SRRM1: variants seen among roughly 807,000 people sequenced by gnomAD.
The protein encoded by SRRM1 is serine/arginine repetitive matrix protein 1.
Under a neutral mutation model 110.2 loss-of-function variants are expected in SRRM1, and 19 were observed. That is an observed-to-expected ratio of 0.17 (90% CI 0.12 to 0.25). SRRM1 has a LOEUF of 0.25. Among genes scored for constraint, SRRM1 ranks in the 10% least tolerant of loss-of-function variants. The probability of loss-of-function intolerance (pLI) is 1.00; values close to 1 mark genes in which losing one functional copy is unlikely to be tolerated. For missense variants in SRRM1, 918 were observed against 1,145.8 expected (o/e 0.80, Z 2.87); for synonymous variants, 443 against 414.9 (o/e 1.07, Z -0.82).
intron 13 of SRRM1, among the ~76,000 whole-genome samples, chr1:24,667,965 CT>C (rs1038405035): frequency 0.012 from 816 of 68,454 alleles, no homozygotes; most frequent in Non-Finnish European, 0.016. Flanking sequence ...TGCTGCCACT[CT>C]TTTTTTTTTT....
chr1:24,666,711 G>A (rs1670165402), intron 12 of SRRM1, 104 bp from the exon 13 acceptor site: 1 of 859,540 alleles, frequency 1.2e-6, no homozygotes. Flanking sequence ...GTTGCAGTGA[G>A]CCAAGATCAT....
At position 24,669,536 on chromosome 1, in the gene SRRM1, C is replaced by T. The variant is rs1409086581; in HGVS notation, c.2153C>T (p.Thr718Ile). The T allele has an allele frequency of 2.5e-6, 4 of 1,606,504 alleles. No individual in the cohort carries two copies. The African/African-American group carries it at 4.0e-5, about 16-fold the overall frequency. ...AGAAGGCAGTCCCCGTCTCCAAGTA[C>T]TAGGCCCATTAGGAGAGTCTCCAGG... ...PQRRQSPSPS[T>I]RPIRRVSRTP... The change falls in exon 14 of 17, where the codon ACT (threonine) becomes ATT (isoleucine). Residue 718 changes from threonine to isoleucine, a missense_variant. By Grantham distance (89) the Thr-to-Ile change is moderately conservative. Transcript: ENST00000323848.
In SRRM1 at chr1:24,655,128, AG is replaced by A. The variant is rs776478355; in HGVS notation, c.1315+1del. ...TGTCTCCAGGGAGAACTTCAGGTAA[AG>A]GTAAAAATCAAACACATATGAAACA... The part of the protein sequence containing the change: ...SVSPGRTSGK[V>X]TKHKGTEKRE... On this transcript the variant is annotated frameshift_variant and splice_region_variant, in exon 9 of 17. Coordinates refer to ENST00000323848, the MANE Select transcript of SRRM1 (RefSeq NM_005839.4). LOFTEE classifies it high-confidence loss of function. 9.3e-6 allele frequency: 15 copies of A among 1,613,574 alleles called. No individual in the cohort carries two copies.
At chr1:24,656,671 A>G (rs1222905980) in intron 9 of SRRM1, among the ~76,000 whole-genome samples, 2 of 152,186 alleles carry the variant, frequency 1.3e-5, no homozygotes, top group Non-Finnish European at 2.9e-5. Context: ...AAAGCTCTCC[A>G]GGGAAAAAAA....
chr1:24,661,901 T>C (rs910575647), intron 11 of SRRM1, among the ~76,000 whole-genome samples: 27 of 151,870 alleles, frequency 1.8e-4, no homozygotes, highest in African/African-American at 5.8e-4. Context: ...TCCTGGCCAA[T>C]AGGGCGAAAC....
intron 12 of SRRM1, among the ~76,000 whole-genome samples, chr1:24,664,327 G>T (rs1557724595): frequency 1.3e-5 from 2 of 152,150 alleles, no homozygotes; most frequent in Non-Finnish European, 2.9e-5. Flanking sequence ...TTGATTATTA[G>T]TGTCACTGTG....
Position 24,669,441 on chromosome 1 carries a change from A to G in SRRM1, c.2058A>G (p.Pro686=), listed in dbSNP as rs1345029533. ...CAAACAAACGGCATTCGCCCTCACC[A>G]CGGCCTCGAGCTCCTCAGACCTCCT... The part of the protein sequence containing the change: ...PQPNKRHSPS[P]RPRAPQTSSS... Residue 686 remains proline (P), a synonymous_variant, in exon 14 of 17, where the codon CCA becomes CCG. Coordinates refer to ENST00000323848, the MANE Select transcript of SRRM1 (RefSeq NM_005839.4). 1 of 1,614,120 alleles carries G rather than the reference A, an allele frequency of 6.2e-7. No individual in the cohort carries two copies. The highest frequency in any genetic ancestry group is 1.7e-5 in the Admixed American group (1 of 60,018).
At chr1:24,662,061 G>C (rs1667532248) in intron 11 of SRRM1, among the ~76,000 whole-genome samples, 1 of 152,184 alleles carries the variant, frequency 6.6e-6, no homozygotes, top group South Asian at 2.1e-4. Context: ...CTGCACTCCA[G>C]CCTGGGAGCC....
chr1:24,671,519 T>C lies in SRRM1; in HGVS notation c.2534T>C (p.Val845Ala). Reference sequence around the variant, plus strand: ...GTGGCTGCAGCTGCTGCAGCTGCTGTGACCCCTGCAGCCATTGCAGCTGCC... The same window carrying C: ...GTGGCTGCAGCTGCTGCAGCTGCTGCGACCCCTGCAGCCATTGCAGCTGCC... ...KAVAAAAAAA[V>A]TPAAIAAATT... The change falls in exon 16 of 17, where the codon GTG becomes GCG. Residue 845 changes from valine (V) to alanine (A), a missense_variant. Physicochemically the swap from Val to Ala is moderately conservative, Grantham distance 64. This residue lies in a region of SRRM1 where 62 missense variants were observed against 127.6 expected (regional missense o/e 0.49). Coordinates refer to ENST00000323848, the MANE Select transcript of SRRM1 (RefSeq NM_005839.4). The C allele has an allele frequency of 6.2e-7, 1 of 1,612,088 alleles. No homozygotes were observed. Among genetic ancestry groups the C allele is most frequent in the South Asian group, 1.1e-5 (1 of 90,766 alleles).
At chr1:24,654,055 A>G (rs905742133) in intron 8 of SRRM1, among the ~76,000 whole-genome samples, 3 of 152,214 alleles carry the variant, frequency 2.0e-5, no homozygotes, top group African/African-American at 4.8e-5. Flanking sequence ...CATAGAGGAA[A>G]TTAGTGAGGT....
intron 13 of SRRM1, 33 bp from the exon 14 acceptor site, chr1:24,669,090 G>A: frequency 6.4e-7 from 1 of 1,574,212 alleles, no homozygotes; most frequent in Admixed American, 1.8e-5. Flanking sequence ...ATTTTGTTGA[G>A]CCTTTCAGCT....
chr1:24,667,658 G>C (rs1241082637), intron 13 of SRRM1, among the ~76,000 whole-genome samples: 1 of 152,162 alleles, frequency 6.6e-6, no homozygotes, highest in Non-Finnish European at 1.5e-5. Context: ...AGATTGGCAA[G>C]AACTAAAGAG....
chr1:24,663,522 CAGT>C (rs1374528711), intron 12 of SRRM1, among the ~76,000 whole-genome samples: 4 of 152,054 alleles, frequency 2.6e-5, no homozygotes, highest in Non-Finnish European at 5.9e-5. Context: ...AGATTTTTAA[CAGT>C]ATCTGGATAC....
chr1:24,656,807 ATTGT>A, intron 9 of SRRM1, among the ~76,000 whole-genome samples: 1 of 152,338 alleles, frequency 6.6e-6, no homozygotes, highest in South Asian at 2.1e-4. Flanking sequence ...AAATAGGTTG[ATTGT>A]TAAGAATTAT....
intron 1 of SRRM1, 27 bp downstream of exon 1, chr1:24,643,374 T>A (rs980925274): frequency 1.3e-6 from 2 of 1,542,042 alleles, no homozygotes; most frequent in African/African-American, 2.9e-5. Context: ...GGCGCCGGGG[T>A]GAGGCCAGGG....
At chr1:24,669,070 C>A in intron 13 of SRRM1, 53 bp from the exon 14 acceptor site, 1 of 1,488,372 alleles carries the variant, frequency 6.7e-7, no homozygotes, top group Non-Finnish European at 9.2e-7. Flanking sequence ...ACTTTTCATC[C>A]TGTTTCTGTA....
intron 9 of SRRM1, among the ~76,000 whole-genome samples, chr1:24,659,518 G>GTA (rs1282636527): frequency 6.6e-6 from 1 of 152,166 alleles, no homozygotes; most frequent in East Asian, 1.9e-4. Flanking sequence ...TTAATTTATG[G>GTA]TATATATATG....
intron 11 of SRRM1, among the ~76,000 whole-genome samples, chr1:24,661,735 T>C (rs543131075): frequency 6.6e-6 from 1 of 152,118 alleles, no homozygotes; most frequent in Non-Finnish European, 1.5e-5. Context: ...CCACAGAAGC[T>C]CAACTGTAGA....
At position 24,651,501 on chromosome 1, in the gene SRRM1, C is replaced by T. The variant is rs1239262463; in HGVS notation, c.614C>T (p.Thr205Ile). Reference sequence around the variant, plus strand: ...CATTCTCGATCTCCCCGTCACAGAACCAAGAGCCGGAGTCCTTCCCCTGCT... The same window carrying T: ...CATTCTCGATCTCCCCGTCACAGAATCAAGAGCCGGAGTCCTTCCCCTGCT... Reference protein sequence around the residue: ...RSHSRSPRHRTKSRSPSPAPE... With the variant: ...RSHSRSPRHRIKSRSPSPAPE... Residue 205 changes from threonine to isoleucine, a missense_variant, in exon 6 of 17, where the codon ACC becomes ATC. Coordinates refer to ENST00000323848, the MANE Select transcript of SRRM1 (RefSeq NM_005839.4). The T allele has an allele frequency of 6.2e-7, 1 of 1,614,152 alleles. No homozygotes were observed. Among genetic ancestry groups the T allele is most frequent in the South Asian group, 1.1e-5 (1 of 91,082 alleles).
Sources: allele counts gnomAD v4.1 joint callset (sites outside exome capture counted in the v4.1 genomes callset), GRCh38; gene constraint gnomAD v4.1.1; regional missense constraint gnomAD v4.1.1; transcripts MANE v1.5; gene names NCBI Gene and HGNC (gene_info 2026-07-23, HGNC 2026-07-21).